Variants in EFL1 observed in about 807,000 individuals in gnomAD.
The protein encoded by EFL1 is elongation factor like GTPase 1, also known as elongation factor-like GTPase 1.
Under a neutral mutation model 126.7 loss-of-function variants are expected in EFL1, and 76 were observed. The observed-to-expected ratio is 0.60, with a 90% CI of 0.50 to 0.73. The LOEUF (loss-of-function observed/expected upper bound fraction) is 0.73, where lower values mean the gene tolerates loss of function less well. Ranked by LOEUF, EFL1 falls within the 30% of genes least tolerant of loss-of-function variation. The pLI is 0.00. For missense variants in EFL1, 1,128 were observed against 1,343.2 expected (o/e 0.84, Z 2.50); for synonymous variants, 410 against 448.4 (o/e 0.91, Z 1.08).
Position 82,190,147 on chromosome 15 carries a change from T to G in EFL1, c.1750+24570A>C, listed in dbSNP as rs147902547. On this transcript the variant is annotated intron_variant, in intron 15 of 19. Coordinates refer to ENST00000268206, the MANE Select transcript of EFL1 (RefSeq NM_024580.6). ...AAAAAAAATTCATGTTACTTTCCTT[T>G]GAGTTCTATCAGAATTTCTTTAGCT... Among the ~76,000 whole-genome samples the G allele has an allele frequency of 5.3e-4, 81 of 152,152 alleles. 1 individual carries two copies. The highest frequency in any genetic ancestry group is 1.9e-3 in the African/African-American group (77 of 41,524).
At chr15:82,210,280 C>A (rs1455317961) in intron 15 of EFL1, among the ~76,000 whole-genome samples, 3 of 152,176 alleles carry the variant, frequency 2.0e-5, no homozygotes, top group Non-Finnish European at 4.4e-5. Context: ...TGAACATGGG[C>A]CAGCTGCAGT....
chr15:82,257,541 T>C (rs1297950080), intron 3 of EFL1, among the ~76,000 whole-genome samples: 6 of 152,194 alleles, frequency 3.9e-5, no homozygotes, highest in Non-Finnish European at 8.8e-5. Context: ...GTCAAGAGAA[T>C]CAAAAATTGT....
intron 11 of EFL1, among the ~76,000 whole-genome samples, chr15:82,226,946 C>T (rs897007026): frequency 1.1e-4 from 17 of 152,040 alleles, no homozygotes; most frequent in East Asian, 3.8e-4. Context: ...AGTCAAGGGA[C>T]GAAAGTGTTT....
At position 82,138,610 on chromosome 15, in the gene EFL1, G is replaced by A. The variant is rs1244195355; in HGVS notation, c.3174+48C>T. On this transcript the variant is annotated intron_variant, in intron 19 of 19. Coordinates refer to ENST00000268206, the MANE Select transcript of EFL1 (RefSeq NM_024580.6). ...ACTCTTGGCCTCCTCTGTAGGGAATGTATCCATAGATGAGAAGGAAGGAAT... is the reference window on the plus strand; with the variant it reads ...ACTCTTGGCCTCCTCTGTAGGGAATATATCCATAGATGAGAAGGAAGGAAT... The A allele has an allele frequency of 3.1e-6, 5 of 1,592,356 alleles. No individual in the cohort carries two copies. The African/African-American group carries it at 4.0e-5, about 13-fold the overall frequency.
At chr15:82,210,586 G>A (rs1348736156) in intron 15 of EFL1, among the ~76,000 whole-genome samples, 1 of 151,860 alleles carries the variant, frequency 6.6e-6, no homozygotes, top group Non-Finnish European at 1.5e-5. Context: ...GTGGGGCCAG[G>A]TGCAGTGGCT....
At chr15:82,229,589 C>T (rs945126663) in intron 8 of EFL1, among the ~76,000 whole-genome samples, 1 of 152,086 alleles carries the variant, frequency 6.6e-6, no homozygotes, top group African/African-American at 2.4e-5. Flanking sequence ...AGCAAGAGCA[C>T]CTTGAGGGGT....
chr15:82,175,129 G>T (rs1011738914), intron 15 of EFL1, among the ~76,000 whole-genome samples: 1 of 152,156 alleles, frequency 6.6e-6, no homozygotes, highest in Non-Finnish European at 1.5e-5. Context: ...AAGTGCTCCT[G>T]AAGCATTTTT....
intron 5 of EFL1, 83 bp from the exon 6 acceptor site, chr15:82,240,638 C>G: frequency 6.7e-7 from 1 of 1,494,590 alleles, no homozygotes; most frequent in East Asian, 2.3e-5. Context: ...AATAACCACT[C>G]TAGACTATGC....
chr15:82,210,195 T>A (rs1383606043), intron 15 of EFL1, among the ~76,000 whole-genome samples: 2 of 152,226 alleles, frequency 1.3e-5, no homozygotes, highest in Non-Finnish European at 2.9e-5. Flanking sequence ...CGATTAGCAA[T>A]GTGGTCATTT....
intron 15 of EFL1, among the ~76,000 whole-genome samples, chr15:82,213,574 C>T (rs182986745): frequency 6.6e-6 from 1 of 152,282 alleles, no homozygotes; most frequent in East Asian, 1.9e-4. Flanking sequence ...TAGAGAAGAT[C>T]GTATAAAAAC....
Position 82,132,694 on chromosome 15 carries a change from G to A in EFL1, c.3175-2133C>T, listed in dbSNP as rs1041282768. On this transcript the variant is annotated intron_variant, in intron 19 of 19. Coordinates refer to ENST00000268206, the MANE Select transcript of EFL1 (RefSeq NM_024580.6). ...AGGTCCAGGAATTGGGGGGGGGGGG[G>A]GGTAGGCAGAGTGGCAGACAAGGGC... Among the ~76,000 whole-genome samples the A allele has an allele frequency of 1.4e-4, 9 of 64,052 alleles. 1 individual carries two copies. In the East Asian group the frequency reaches 2.6e-3, roughly 19 times the overall value. 42.0% of individuals were successfully genotyped at this position (64,052 alleles called of 152,430 possible).
chr15:82,151,319 C>T (rs2141227679), intron 18 of EFL1, 146 bp downstream of exon 18: 1 of 736,678 alleles, frequency 1.4e-6, no homozygotes, highest in East Asian at 2.5e-5. Context: ...GCCTGGTAGG[C>T]AGAGGTTGCA....
chr15:82,229,156 G>A lies in EFL1; in HGVS notation c.856-46C>T, dbSNP rs2074795279. 3.6e-6 allele frequency: 5 copies of A among 1,403,988 alleles called. No homozygotes were observed. The Admixed American group carries it at 8.3e-5, about 23-fold the overall frequency. 87.0% of individuals were successfully genotyped at this position (1,403,988 alleles called of 1,614,324 possible). ...GCTTAAGTTCCTGAACATTTAATAG[G>A]CATTTATATATTCCTTCTTGACATG... On this transcript the variant is annotated intron_variant, in intron 8 of 19. Coordinates refer to ENST00000268206, the MANE Select transcript of EFL1 (RefSeq NM_024580.6).
chr15:82,139,038 A>G (rs551010229), intron 18 of EFL1, among the ~76,000 whole-genome samples, 196 bp from the exon 19 acceptor site: 18 of 152,346 alleles, frequency 1.2e-4, no homozygotes, highest in African/African-American at 4.1e-4. Flanking sequence ...ATTGGAAACA[A>G]AAAATAACAA....
intron 19 of EFL1, among the ~76,000 whole-genome samples, chr15:82,132,692 G>C (rs1365570242): frequency 8.8e-6 from 1 of 113,378 alleles, no homozygotes; most frequent in Non-Finnish European, 1.8e-5. Context: ...GGGGGGGGGG[G>C]GGGGTAGGCA....
intron 15 of EFL1, among the ~76,000 whole-genome samples, chr15:82,209,316 GACAC>G (rs57128885): frequency 0.012 from 1,789 of 146,328 alleles, 21 homozygotes; most frequent in Non-Finnish European, 0.018. Context: ...CACAGACACA[GACAC>G]ACACACACAC....
At chr15:82,239,167 C>T (rs2074904753) in intron 6 of EFL1, among the ~76,000 whole-genome samples, 1 of 152,062 alleles carries the variant, frequency 6.6e-6, no homozygotes, top group African/African-American at 2.4e-5. Flanking sequence ...GGTGGAGTCT[C>T]GCTCTGTTGC....
At chr15:82,253,793 T>C (rs1044245819) in intron 3 of EFL1, among the ~76,000 whole-genome samples, 1 of 152,170 alleles carries the variant, frequency 6.6e-6, no homozygotes, top group Non-Finnish European at 1.5e-5. Flanking sequence ...AGTGTCTACA[T>C]CTCATTTTCT....
At chr15:82,131,354 G>A (rs2073641611) in intron 19 of EFL1, among the ~76,000 whole-genome samples, 1 of 152,060 alleles carries the variant, frequency 6.6e-6, no homozygotes, top group Non-Finnish European at 1.5e-5. Flanking sequence ...GGGCAGTGGT[G>A]CAATCATACT....
Sources: allele counts gnomAD v4.1 joint callset (sites outside exome capture counted in the v4.1 genomes callset), GRCh38; gene constraint gnomAD v4.1.1; transcripts MANE v1.5; gene names NCBI Gene and HGNC (gene_info 2026-07-23, HGNC 2026-07-21).